The following DPH6 variants were observed in gnomAD, a reference collection of about 807,000 sequenced individuals.
DPH6 encodes diphthine--ammonia ligase.
Under a neutral mutation model 38.2 loss-of-function variants are expected in DPH6, and 33 were observed. The observed-to-expected ratio is 0.86, with a 90% CI of 0.65 to 1.15. The LOEUF (loss-of-function observed/expected upper bound fraction) is 1.15. Among genes scored for constraint, DPH6 ranks in the 50% most tolerant of loss-of-function variants. The pLI is 0.00. For missense variants in DPH6, 325 were observed against 320.0 expected, an observed-to-expected ratio of 1.02 and a Z score of -0.12; for synonymous variants, 108 against 103.0, an observed-to-expected ratio of 1.05 and a Z score of -0.30.
At chr15:35,248,917 A>C (rs318334) in intron 3 of DPH6, among the ~76,000 whole-genome samples, 98,656 of 152,118 alleles carry the variant, frequency 0.65, 33,606 homozygotes, top group Non-Finnish European at 0.77. Flanking sequence ...GCAAGTAATA[A>C]TTAAAGTTTC....
the DPH6 span, among the ~76,000 whole-genome samples, chr15:35,147,748 C>T: frequency 1.6e-4 from 24 of 152,228 alleles, no homozygotes; most frequent in Non-Finnish European, 2.5e-4. Flanking sequence ...CTTGATTAAA[C>T]CCCAGCAGGT....
intron 5 of DPH6, among the ~76,000 whole-genome samples, chr15:35,436,655 T>G (rs2053719647): frequency 1.3e-5 from 2 of 152,128 alleles, no homozygotes; most frequent in African/African-American, 4.8e-5. Context: ...CAGGCACCTT[T>G]TTCTTTCCTC....
intron 3 of DPH6, among the ~76,000 whole-genome samples, chr15:35,234,828 T>C (rs2051540657): frequency 6.6e-6 from 1 of 152,326 alleles, no homozygotes; most frequent in Non-Finnish European, 1.5e-5. Flanking sequence ...TATGGGTATA[T>C]GAAGCTTGGA....
chr15:35,289,936 G>A (rs374354446), intron 3 of DPH6, among the ~76,000 whole-genome samples: 58 of 152,232 alleles, frequency 3.8e-4, no homozygotes, highest in African/African-American at 1.3e-3. Context: ...GGTCTAATGC[G>A]TACTGCTACC....
chr15:35,404,564 A>G (rs1488878692), intron 6 of DPH6, among the ~76,000 whole-genome samples: 4 of 152,070 alleles, frequency 2.6e-5, no homozygotes, highest in Non-Finnish European at 4.4e-5. Flanking sequence ...CCATTTTTGA[A>G]TTGGATCATT....
At chr15:35,187,574 T>G in the DPH6 span, among the ~76,000 whole-genome samples, 10 of 152,232 alleles carry the variant, frequency 6.6e-5, no homozygotes, top group Non-Finnish European at 1.3e-4. Context: ...CTGCTTTTAT[T>G]ATGATGATTT....
intron 3 of DPH6, among the ~76,000 whole-genome samples, chr15:35,276,198 T>C (rs2140431680): frequency 6.6e-6 from 1 of 152,348 alleles, no homozygotes; most frequent in East Asian, 1.9e-4. Context: ...ATGTTGAGCA[T>C]TTTTTCGTAT....
chr15:35,542,315 CTTT>C, intron 2 of DPH6, 95 bp downstream of exon 2: 1 of 973,910 alleles, frequency 1.0e-6, no homozygotes. Flanking sequence ...TTTATTGGTT[CTTT>C]TTTTTTCATC....
the DPH6 span, among the ~76,000 whole-genome samples, chr15:35,149,428 G>C: frequency 6.6e-6 from 1 of 152,086 alleles, no homozygotes; most frequent in Non-Finnish European, 1.5e-5. Context: ...TAGTAGAGAC[G>C]GGGTTTCACC....
intron 3 of DPH6, among the ~76,000 whole-genome samples, chr15:35,256,226 C>G (rs2051707352): frequency 6.6e-6 from 1 of 152,036 alleles, no homozygotes; most frequent in Non-Finnish European, 1.5e-5. Flanking sequence ...TTCATTTTTA[C>G]TTAATGCTCT....
rs777672669 is a variant in DPH6, at chr15:35,532,890, A to G, written c.312+5384T>C. On this transcript the variant is annotated intron_variant, in intron 3 of 8. Transcript: ENST00000256538. ...AGGCTGAGGCAGGCAGATCACCTGA[A>G]GTCAGGAGTTTGAGAACAGCCTGGT... Among the ~76,000 whole-genome samples, 142 of 152,042 alleles carry G rather than the reference A, an allele frequency of 9.3e-4. 1 individual carries two copies. The highest frequency in any genetic ancestry group is 2.0e-3 in the Admixed American group (31 of 15,262).
chr15:35,248,416 C>T (rs1333977025), intron 3 of DPH6, among the ~76,000 whole-genome samples: 2 of 152,150 alleles, frequency 1.3e-5, no homozygotes, highest in African/African-American at 2.4e-5. Flanking sequence ...GGGTCCTGCC[C>T]CATACTCAGA....
At chr15:35,458,041 T>C (rs2054018007) in intron 3 of DPH6, among the ~76,000 whole-genome samples, 1 of 152,204 alleles carries the variant, frequency 6.6e-6, no homozygotes, top group African/African-American at 2.4e-5. Flanking sequence ...GCATAAACTT[T>C]AGTCTCCAGA....
intron 3 of DPH6, among the ~76,000 whole-genome samples, chr15:35,250,670 C>T (rs1408527171): frequency 6.6e-6 from 1 of 151,718 alleles, no homozygotes; most frequent in Non-Finnish European, 1.5e-5. Flanking sequence ...TGCATCCATT[C>T]TGGGTGGATC....
At chr15:35,347,457 C>CTTT (rs767042543) in intron 3 of DPH6, among the ~76,000 whole-genome samples, 1 of 140,444 alleles carries the variant, frequency 7.1e-6, no homozygotes, top group African/African-American at 2.6e-5. Flanking sequence ...CAGCCTCCTC[C>CTTT]TTTTTTTTTT....
At chr15:35,148,377 T>C in the DPH6 span, among the ~76,000 whole-genome samples, 2 of 152,232 alleles carry the variant, frequency 1.3e-5, no homozygotes, top group Admixed American at 6.5e-5. Flanking sequence ...TAATGTCTTT[T>C]GTAGAATGTG....
chr15:35,281,585 T>C (rs1056188070), intron 3 of DPH6, among the ~76,000 whole-genome samples: 89 of 152,308 alleles, frequency 5.8e-4, no homozygotes, highest in Non-Finnish European at 1.2e-4. Context: ...AGTCATGACT[T>C]CTTAAAATCC....
intron 3 of DPH6, among the ~76,000 whole-genome samples, chr15:35,517,929 C>A (rs1862028029): frequency 6.6e-6 from 1 of 151,898 alleles, no homozygotes; most frequent in Admixed American, 6.6e-5. Context: ...GTAATTAAAA[C>A]AATGTTTTAC....
intron 3 of DPH6, among the ~76,000 whole-genome samples, chr15:35,305,281 A>G (rs112086852): frequency 5.5e-4 from 84 of 152,150 alleles, no homozygotes; most frequent in African/African-American, 2.0e-3. Flanking sequence ...TATTAATAAC[A>G]CCCCTTACAC....
Sources: allele counts gnomAD v4.1 joint callset (sites outside exome capture counted in the v4.1 genomes callset), GRCh38; gene constraint gnomAD v4.1.1; transcripts MANE v1.5; gene names NCBI Gene and HGNC (gene_info 2026-07-23, HGNC 2026-07-21).